The following MYRIP variants were observed in gnomAD, a reference collection of about 807,000 sequenced individuals.
MYRIP encodes the protein rab effector MyRIP.
Under a neutral mutation model 98.0 loss-of-function variants are expected in MYRIP, and 49 were observed. The observed-to-expected ratio is 0.50, with a 90% CI of 0.40 to 0.63. The LOEUF is 0.63. Ranked by LOEUF, MYRIP falls within the 30% of genes least tolerant of loss-of-function variation. The pLI, the probability that MYRIP is intolerant of heterozygous loss-of-function variation, is 0.00. For missense variants in MYRIP, 1,004 were observed against 1,058.2 expected, an observed-to-expected ratio of 0.95 and a Z score of 0.71; for synonymous variants, 404 against 409.5, an observed-to-expected ratio of 0.99 and a Z score of 0.16.
chr3:40,256,557 C>A (rs932549668), intron 16 of MYRIP, among the ~76,000 whole-genome samples: 5 of 150,874 alleles, frequency 3.3e-5, no homozygotes, highest in Middle Eastern at 3.4e-3. Context: ...TTGTAAGTCA[C>A]ATAAAAAAAC....
chr3:40,060,236 C>G (rs1047084590), intron 3 of MYRIP, among the ~76,000 whole-genome samples: 1 of 152,152 alleles, frequency 6.6e-6, no homozygotes, highest in Admixed American at 6.5e-5. Context: ...ATCATTTTGC[C>G]TGAGAACTGT....
chr3:40,074,922 T>G (rs904402279), intron 3 of MYRIP, among the ~76,000 whole-genome samples: 6 of 152,128 alleles, frequency 3.9e-5, no homozygotes, highest in African/African-American at 1.4e-4. Context: ...CCATTGCATA[T>G]GATACAAATT....
At chr3:39,920,201 A>G (rs1232825255) in intron 2 of MYRIP, among the ~76,000 whole-genome samples, 1 of 152,228 alleles carries the variant, frequency 6.6e-6, no homozygotes, top group Non-Finnish European at 1.5e-5. Context: ...TTACTGGCTT[A>G]ATTGTGACTG....
intron 1 of MYRIP, among the ~76,000 whole-genome samples, chr3:39,868,032 G>C (rs1942675749): frequency 6.6e-6 from 1 of 152,160 alleles, no homozygotes; most frequent in East Asian, 1.9e-4. Context: ...TTGCATGTGT[G>C]TGCACACCCA....
rs540205497 is a variant in MYRIP, at chr3:40,128,291, A to G, written c.333-22757A>G. ...GTCCAGTGGCAGCAGGCTAGACAAC[A>G]TATCTACCTTCCTACAGTCCAGTGG... is the stretch of plus-strand genomic sequence containing the variant. On this transcript the variant is annotated intron_variant, in intron 3 of 16. Coordinates refer to ENST00000302541, the MANE Select transcript of MYRIP (RefSeq NM_015460.4). Among the ~76,000 whole-genome samples, 3 of 152,330 alleles carry G rather than the reference A, an allele frequency of 2.0e-5. No individual in the cohort carries two copies. The East Asian group carries it at 5.8e-4, about 29-fold the overall frequency.
chr3:39,888,296 A>C (rs1174977244), intron 1 of MYRIP, among the ~76,000 whole-genome samples: 1 of 152,122 alleles, frequency 6.6e-6, no homozygotes, highest in Admixed American at 6.5e-5. Flanking sequence ...AGGCTACAGT[A>C]ACCAAAACAG....
chr3:39,932,475 C>G (rs1406431771), intron 2 of MYRIP, among the ~76,000 whole-genome samples: 2 of 152,142 alleles, frequency 1.3e-5, no homozygotes, highest in Non-Finnish European at 2.9e-5. Context: ...ATTCTCCTGC[C>G]TCAGCCTCCC....
chr3:40,206,007 G>A (rs1047683681), intron 10 of MYRIP, among the ~76,000 whole-genome samples: 2 of 152,048 alleles, frequency 1.3e-5, no homozygotes, highest in Non-Finnish European at 2.9e-5. Flanking sequence ...TTAGCCGTTT[G>A]GAGGCATGGA....
chr3:40,089,755 T>C (rs17075573), intron 3 of MYRIP, among the ~76,000 whole-genome samples: 14,226 of 152,270 alleles, frequency 0.093, 763 homozygotes, highest in East Asian at 0.23. Flanking sequence ...TGGCTTATTA[T>C]ATTTTAATGG....
At chr3:39,847,925 T>C (rs568468931) in intron 1 of MYRIP, among the ~76,000 whole-genome samples, 7 of 152,192 alleles carry the variant, frequency 4.6e-5, no homozygotes, top group Non-Finnish European at 8.8e-5. Context: ...TGGGCATGAT[T>C]AGGGCTGCAG....
At chr3:39,927,718 A>G (rs370711122) in intron 2 of MYRIP, among the ~76,000 whole-genome samples, 40 of 151,928 alleles carry the variant, frequency 2.6e-4, no homozygotes, top group African/African-American at 8.7e-4. Context: ...TGATACCAAA[A>G]CCTGGCAAAG....
chr3:40,134,572 G>C (rs1374861139), intron 3 of MYRIP, among the ~76,000 whole-genome samples: 1 of 152,254 alleles, frequency 6.6e-6, no homozygotes, highest in African/African-American at 2.4e-5. Context: ...TCTGAGAACA[G>C]GCAGACTGCC....
intron 2 of MYRIP, among the ~76,000 whole-genome samples, chr3:39,921,274 C>T (rs1192183388): frequency 6.6e-6 from 1 of 152,168 alleles, no homozygotes; most frequent in Non-Finnish European, 1.5e-5. Context: ...AAAAATCAAC[C>T]AGCAAGTGAG....
intron 2 of MYRIP, among the ~76,000 whole-genome samples, chr3:39,967,484 T>C (rs1259363721): frequency 2.6e-5 from 4 of 152,196 alleles, no homozygotes; most frequent in African/African-American, 4.8e-5. Context: ...ATCCAGCCTG[T>C]CCTTGATGGG....
chr3:40,244,714 C>A, intron 13 of MYRIP, 107 bp downstream of exon 13: 1 of 1,246,330 alleles, frequency 8.0e-7, no homozygotes. Context: ...CTCCCATCAT[C>A]TCCAGCATGT....
rs374572144 is a variant in MYRIP at position 40,107,781 on chromosome 3, A to ACTGACTG, written c.333-43265_333-43259dup. Among the ~76,000 whole-genome samples, 893 of 152,326 alleles carry ACTGACTG rather than the reference A, an allele frequency of 5.9e-3. 7 individuals carry two copies. Among genetic ancestry groups the ACTGACTG allele is most frequent in the African/African-American group, 0.02 (826 of 41,580 alleles). On this transcript the variant is annotated intron_variant, in intron 3 of 16. Coordinates refer to ENST00000302541, the MANE Select transcript of MYRIP (RefSeq NM_015460.4). The stretch of plus-strand genomic sequence containing the variant: ...GATATCTGCACAAGATGCTAAACTA[A>ACTGACTG]CTGACTGCATTTTAAGTCAGAATTG...
At chr3:39,810,868 T>G (rs1940661269) in intron 1 of MYRIP, among the ~76,000 whole-genome samples, 1 of 152,186 alleles carries the variant, frequency 6.6e-6, no homozygotes, top group African/African-American at 2.4e-5. Context: ...CGCTGTGGGC[T>G]TGGTTCGCTA....
chr3:40,144,842 T>C (rs1273594779), intron 3 of MYRIP, among the ~76,000 whole-genome samples: 1 of 152,240 alleles, frequency 6.6e-6, no homozygotes, highest in African/African-American at 2.4e-5. Flanking sequence ...TCTCTATTCA[T>C]GCTAGGTGCC....
chr3:40,049,761 T>C (rs527655908), intron 3 of MYRIP, among the ~76,000 whole-genome samples: 21 of 152,166 alleles, frequency 1.4e-4, no homozygotes, highest in African/African-American at 4.8e-4. Context: ...ATTAGCCAGG[T>C]TGTGAATGCA....
Sources: allele counts gnomAD v4.1 joint callset (sites outside exome capture counted in the v4.1 genomes callset), GRCh38; gene constraint gnomAD v4.1.1; transcripts MANE v1.5; gene names NCBI Gene and HGNC (gene_info 2026-07-23, HGNC 2026-07-21).